ESYT2: variants seen among roughly 807,000 people sequenced by gnomAD.
The protein encoded by ESYT2 is extended synaptotagmin-2.
Under a neutral mutation model 107.2 loss-of-function variants are expected in ESYT2, and 54 were observed. The ratio of observed to expected loss-of-function variants is 0.50; its 90% CI spans 0.40 to 0.63. The LOEUF is 0.63. Among genes scored for constraint, ESYT2 ranks in the 30% least tolerant of loss-of-function variants. The pLI, the probability that ESYT2 is intolerant of heterozygous loss-of-function variation, is 0.00. For missense variants in ESYT2, 1,020 were observed against 1,094.5 expected (o/e 0.93, Z 0.96); for synonymous variants, 491 against 434.1 (o/e 1.13, Z -1.63).
intron 12 of ESYT2, 50 bp downstream of exon 12, chr7:158,760,008 T>C: frequency 1.3e-6 from 2 of 1,538,922 alleles, no homozygotes; most frequent in Admixed American, 3.3e-5. Context: ...AGCTCAGTTA[T>C]GAGGAGTAGT....
chr7:158,782,154 TGA>T (rs1014276339), intron 6 of ESYT2, among the ~76,000 whole-genome samples: 10 of 148,530 alleles, frequency 6.7e-5, no homozygotes, highest in South Asian at 6.4e-4. Context: ...TGAACAAGTG[TGA>T]GTGTGAGAAC....
At chr7:158,741,492 G>C (rs773593905) in intron 18 of ESYT2, 31 bp downstream of exon 18, 1 of 1,534,202 alleles carries the variant, frequency 6.5e-7, no homozygotes, top group Non-Finnish European at 8.7e-7. Context: ...TTGCTCTGCT[G>C]GTGAGAAACA....
At chr7:158,798,620 T>C (rs1438026401) in intron 2 of ESYT2, among the ~76,000 whole-genome samples, 4 of 108,988 alleles carry the variant, frequency 3.7e-5, no homozygotes, top group African/African-American at 1.5e-4. Flanking sequence ...CACTCCAGCC[T>C]GGGCAACAAG....
Position 158,797,995 on chromosome 7 carries a change from C to T in ESYT2, c.454G>A (p.Ala152Thr), listed in dbSNP as rs1351673613. The T allele has an allele frequency of 9.9e-6, 16 of 1,614,012 alleles. No individual in the cohort carries two copies. The highest frequency in any genetic ancestry group is 1.3e-5 in the African/African-American group (1 of 74,928). ...CTAAAGGTGCTAAGGTGGGTGTTTG[C>T]TCCCCGCACGGCTGGTTCTATAGTT... is the stretch of plus-strand genomic sequence containing the variant. Reference protein sequence around the residue: ...RETIEPAVRGANTHLSTFSFT... With the variant: ...RETIEPAVRGTNTHLSTFSFT... The change falls in exon 3 of 23, where the codon GCA becomes ACA. Residue 152 changes from alanine (A) to threonine (T), a missense_variant. Physicochemically the swap from Ala to Thr is moderately conservative, Grantham distance 58. Coordinates refer to ENST00000275418, the MANE Select transcript of ESYT2 (RefSeq NM_001367773.1).
chr7:158,823,294 CAAAAAAAAAAAAA>C (rs1173735798), intron 1 of ESYT2, among the ~76,000 whole-genome samples: 3 of 29,810 alleles, frequency 1.0e-4, no homozygotes, highest in African/African-American at 1.9e-4. Context: ...GACTCTGTCT[CAAAAAAAAAAAAA>C]AAAAAAAAAA....
At chr7:158,747,530 C>T (rs999509961) in intron 16 of ESYT2, among the ~76,000 whole-genome samples, 4 of 152,054 alleles carry the variant, frequency 2.6e-5, no homozygotes, top group Non-Finnish European at 5.9e-5. Flanking sequence ...TGAAACCACC[C>T]GGTAATACTC....
In ESYT2 at chr7:158,760,008, T is replaced by A. The variant is rs774877341; in HGVS notation, c.1323+50A>T. On this transcript the variant is annotated intron_variant, in intron 12 of 22. Coordinates refer to ENST00000275418, the MANE Select transcript of ESYT2 (RefSeq NM_001367773.1). The stretch of plus-strand genomic sequence containing the variant: ...ACAACTGAGAGACCAAGCTCAGTTA[T>A]GAGGAGTAGTTGGTTAGGTAGTTTT... 3 of 1,538,922 alleles carry A rather than the reference T, an allele frequency of 1.9e-6. No homozygotes were observed. The South Asian group carries it at 3.4e-5, about 17-fold the overall frequency.
At chr7:158,766,257 C>T (rs1160987140) in intron 8 of ESYT2, among the ~76,000 whole-genome samples, 2 of 152,138 alleles carry the variant, frequency 1.3e-5, no homozygotes, top group Non-Finnish European at 2.9e-5. Flanking sequence ...TTGGAAAACT[C>T]GAAGCAGCTC....
chr7:158,822,583 C>A (rs935251931), intron 1 of ESYT2, among the ~76,000 whole-genome samples: 1 of 151,256 alleles, frequency 6.6e-6, no homozygotes, highest in Non-Finnish European at 1.5e-5. Flanking sequence ...GGCAACATAG[C>A]AAGACCTCGG....
intron 7 of ESYT2, among the ~76,000 whole-genome samples, chr7:158,769,678 C>A (rs1007019990): frequency 1.3e-5 from 2 of 152,146 alleles, no homozygotes; most frequent in Non-Finnish European, 2.9e-5. Flanking sequence ...GATATTTAAT[C>A]ATAATTTTCA....
At chr7:158,781,174 T>A (rs1563648277) in intron 6 of ESYT2, among the ~76,000 whole-genome samples, 1 of 150,806 alleles carries the variant, frequency 6.6e-6, no homozygotes, top group South Asian at 2.1e-4. Flanking sequence ...GTGAGGAGTG[T>A]GAGAGAACAA....
chr7:158,806,196 G>C (rs1011553841), intron 1 of ESYT2, among the ~76,000 whole-genome samples: 4 of 141,940 alleles, frequency 2.8e-5, no homozygotes, highest in African/African-American at 7.7e-5. Flanking sequence ...GCCTTGAGAG[G>C]GCTTCCTCAC....
At chr7:158,818,940 C>T (rs1840217765) in intron 1 of ESYT2, among the ~76,000 whole-genome samples, 1 of 152,222 alleles carries the variant, frequency 6.6e-6, no homozygotes, top group Non-Finnish European at 1.5e-5. Flanking sequence ...TCGCACGGGC[C>T]CTGGCCACAT....
Position 158,767,600 on chromosome 7 carries a change from C to T in ESYT2, c.924+54G>A, listed in dbSNP as rs1477258193. On this transcript the variant is annotated intron_variant, in intron 8 of 22. Transcript: ENST00000275418. Reference sequence around the variant, plus strand: ...CAGCACCCAATGCCACACCCGCAGGCAGGCAGGTCTCCAAGATGTTTTTAA... The same window carrying T: ...CAGCACCCAATGCCACACCCGCAGGTAGGCAGGTCTCCAAGATGTTTTTAA... 5 of 1,581,026 alleles carry T rather than the reference C, an allele frequency of 3.2e-6. No individual in the cohort carries two copies. The East Asian group carries it at 6.8e-5, about 22-fold the overall frequency.
At chr7:158,776,526 A>G (rs1341634356) in intron 6 of ESYT2, among the ~76,000 whole-genome samples, 1 of 152,220 alleles carries the variant, frequency 6.6e-6, no homozygotes, top group Non-Finnish European at 1.5e-5. Flanking sequence ...CTCATAAACC[A>G]ACCTCTTCAA....
At chr7:158,791,493 G>C (rs1343666734) in intron 4 of ESYT2, among the ~76,000 whole-genome samples, 2 of 152,194 alleles carry the variant, frequency 1.3e-5, no homozygotes, top group Middle Eastern at 3.2e-3. Flanking sequence ...AGGTTTTGAG[G>C]AACTGTTTCC....
At chr7:158,827,913 A>AATG (rs1348245051) in intron 1 of ESYT2, among the ~76,000 whole-genome samples, 1 of 152,204 alleles carries the variant, frequency 6.6e-6, no homozygotes. Context: ...AGAATTAGGG[A>AATG]ATGACAAGAA....
At chr7:158,738,143 G>A (rs1837033020) in intron 19 of ESYT2, among the ~76,000 whole-genome samples, 1 of 151,964 alleles carries the variant, frequency 6.6e-6, no homozygotes, top group Middle Eastern at 3.4e-3. Flanking sequence ...GTGAAACCCC[G>A]TGTCTACTAA....
At chr7:158,767,841 C>A in intron 7 of ESYT2, 67 bp from the exon 8 acceptor site, 1 of 1,542,484 alleles carries the variant, frequency 6.5e-7, no homozygotes, top group South Asian at 1.2e-5. Context: ...TCACCTTTGA[C>A]AACAGACTTA....
Sources: gnomAD v4.1 joint callset for allele counts (sites outside exome capture counted in the v4.1 genomes callset) on GRCh38, gnomAD v4.1.1 for gene constraint, MANE v1.5 for transcripts, NCBI Gene and HGNC (gene_info 2026-07-23, HGNC 2026-07-21) for gene names.